PCBD2: variants seen among roughly 807,000 people sequenced by gnomAD.
PCBD2 encodes pterin-4 alpha-carbinolamine dehydratase 2.
In PCBD2, 12 loss-of-function variants were observed where a neutral mutation model predicts 16.4. The observed-to-expected ratio is 0.73, with a 90% confidence interval of 0.47 to 1.19. PCBD2 has a LOEUF of 1.19. Among genes scored for constraint, PCBD2 ranks in the 50% most tolerant of loss-of-function variants. PCBD2 has a pLI of 0.00. For missense variants in PCBD2, 138 were observed against 156.8 expected, an observed-to-expected ratio of 0.88 and a Z score of 0.64; for synonymous variants, 58 against 61.8, an observed-to-expected ratio of 0.94 and a Z score of 0.29.
intron 2 of PCBD2, among the ~76,000 whole-genome samples, chr5:134,932,900 C>T (rs737587): frequency 0.55 from 82,964 of 151,908 alleles, 22,929 homozygotes; most frequent in East Asian, 0.78. Context: ...ATTTATAGGT[C>T]ACTCATACTC....
At position 134,917,717 on chromosome 5, in the gene PCBD2, C is replaced by T. The variant is rs76964286; in HGVS notation, c.216+7251C>T. Among the ~76,000 whole-genome samples, 370 of 152,210 alleles carry T rather than the reference C, an allele frequency of 2.4e-3. 1 individual carries two copies. Among genetic ancestry groups the T allele is most frequent in the African/African-American group, 8.1e-3 (338 of 41,514 alleles). ...CCACTGAAGCTTTCTGGAGCTGCAG[C>T]GGGAGGGAGGAGGAGTTCTCTGGGT... is the stretch of plus-strand genomic sequence containing the variant. On this transcript the variant is annotated intron_variant, in intron 2 of 3. Coordinates refer to ENST00000254908, the MANE Select transcript of PCBD2 (RefSeq NM_032151.5).
chr5:134,908,403 G>A (rs1173078300), intron 1 of PCBD2, among the ~76,000 whole-genome samples: 2 of 151,920 alleles, frequency 1.3e-5, no homozygotes, highest in Admixed American at 6.5e-5. Flanking sequence ...AGTGGCTCAC[G>A]CCTGTAATCC....
chr5:134,930,623 G>C (rs1214244072), intron 2 of PCBD2, among the ~76,000 whole-genome samples: 1 of 152,146 alleles, frequency 6.6e-6, no homozygotes, highest in Non-Finnish European at 1.5e-5. Context: ...GGCTGCTCAT[G>C]GTGTCTCTAG....
intron 2 of PCBD2, chr5:134,926,146 A>G (rs1750992413): frequency 3.1e-6 from 1 of 323,156 alleles, no homozygotes; most frequent in South Asian, 1.6e-4. Flanking sequence ...TATATATCAT[A>G]GTGAGAATTC....
chr5:134,931,232 GTGGTGTGCTA>G (rs1190579775), intron 2 of PCBD2, among the ~76,000 whole-genome samples: 1 of 152,038 alleles, frequency 6.6e-6, no homozygotes, highest in Non-Finnish European at 1.5e-5. Context: ...TCATAACTTG[GTGGTGTGCTA>G]TAAAGAAAAG....
At chr5:134,930,804 G>A (rs966221550) in intron 2 of PCBD2, among the ~76,000 whole-genome samples, 13 of 152,320 alleles carry the variant, frequency 8.5e-5, no homozygotes, top group Admixed American at 2.0e-4. Context: ...AGGCCTGTTC[G>A]CTGGCTATCC....
chr5:134,925,874 A>G, intron 2 of PCBD2: 3 of 393,628 alleles, frequency 7.6e-6, no homozygotes, highest in Non-Finnish European at 1.3e-5. Flanking sequence ...TGTGGGTCTC[A>G]TGAGTTGGAG....
At chr5:134,921,171 G>C (rs1272577935) in intron 2 of PCBD2, among the ~76,000 whole-genome samples, 1 of 152,238 alleles carries the variant, frequency 6.6e-6, no homozygotes, top group Non-Finnish European at 1.5e-5. Flanking sequence ...CTGGATCCAA[G>C]AGGTGGAAGG....
intron 1 of PCBD2, among the ~76,000 whole-genome samples, chr5:134,907,390 C>T (rs182665869): frequency 5.9e-5 from 9 of 152,226 alleles, no homozygotes; most frequent in Admixed American, 5.2e-4. Flanking sequence ...ACTATAGGCG[C>T]GTGCCACCAC....
At chr5:134,906,130 T>C (rs942767316) in intron 1 of PCBD2, among the ~76,000 whole-genome samples, 16 of 149,290 alleles carry the variant, frequency 1.1e-4, no homozygotes, top group African/African-American at 4.0e-4. Context: ...TGCCTCGGCC[T>C]CCCAAAGTGC....
chr5:134,914,028 TAGG>T (rs1379801880), intron 2 of PCBD2, among the ~76,000 whole-genome samples: 1 of 151,986 alleles, frequency 6.6e-6, no homozygotes, highest in Non-Finnish European at 1.5e-5. Flanking sequence ...GTTATTGGGT[TAGG>T]AGGTGGGTGT....
In PCBD2 at chr5:134,962,072, TTGTGTGTGTGTGTG is replaced by T. The variant is rs58911694; in HGVS notation, c.*1413_*1426del. 1.4e-5 allele frequency among the ~76,000 whole-genome samples: 2 copies of T among 140,590 alleles called. No individual in the cohort carries two copies. The highest frequency in any genetic ancestry group is 2.4e-4 in the South Asian group (1 of 4,246). 92.2% of individuals were successfully genotyped at this position (140,590 alleles called of 152,430 possible). On this transcript the variant is annotated 3_prime_UTR_variant, in exon 4 of 4. Transcript: ENST00000254908. ...CATTGCCCCCAGCCAGTATAACAGT[TTGTGTGTGTGTGTG>T]TGTGTGTGTGTGTGTGTGTGTTTGA... is the stretch of plus-strand genomic sequence containing the variant.
chr5:134,948,155 T>C (rs962752156), intron 2 of PCBD2, among the ~76,000 whole-genome samples: 2 of 152,198 alleles, frequency 1.3e-5, no homozygotes, highest in African/African-American at 2.4e-5. Context: ...AATGTGCTAA[T>C]TCAAAACTGA....
At chr5:134,950,681 A>G (rs1751348828) in intron 2 of PCBD2, among the ~76,000 whole-genome samples, 2 of 152,220 alleles carry the variant, frequency 1.3e-5, no homozygotes, top group South Asian at 2.1e-4. Flanking sequence ...GGCCCAATTT[A>G]CTGTGATTGT....
intron 2 of PCBD2, among the ~76,000 whole-genome samples, chr5:134,947,325 T>G (rs1751307138): frequency 6.6e-6 from 1 of 151,712 alleles, no homozygotes; most frequent in African/African-American, 2.4e-5. Flanking sequence ...ACCCCTGACC[T>G]CAGGTAATCT....
At position 134,925,410 on chromosome 5, in the gene PCBD2, G is replaced by A. The variant is rs5013047; in HGVS notation, c.216+14944G>A. The A allele has an allele frequency of 1.5e-4, 59 of 398,220 alleles. 10 individuals carry two copies. The highest frequency in any genetic ancestry group is 6.6e-4 in the African/African-American group (32 of 48,532). The allele number at this position is 398,220 out of a possible 1,614,324, so 24.7% of individuals were successfully genotyped here. On this transcript the variant is annotated intron_variant, in intron 2 of 3. Transcript: ENST00000254908. The stretch of plus-strand genomic sequence containing the variant: ...TTTTTCGAATATCTTGTTCATTGTT[G>A]AGGTTGTGGATGATGGATCCGGAGC...
At chr5:134,950,008 A>T (rs1751340900) in intron 2 of PCBD2, among the ~76,000 whole-genome samples, 1 of 152,252 alleles carries the variant, frequency 6.6e-6, no homozygotes, top group South Asian at 2.1e-4. Flanking sequence ...CAATTAGAGT[A>T]AATTGCTGAT....
At chr5:134,916,178 T>C (rs7706190) in intron 2 of PCBD2, among the ~76,000 whole-genome samples, 18,543 of 152,020 alleles carry the variant, frequency 0.12, 1,337 homozygotes, top group East Asian at 0.28. Context: ...CTCAGTTACA[T>C]GGGAGGGAGG....
chr5:134,923,287 A>C (rs1051682616), intron 2 of PCBD2: 1 of 155,218 alleles, frequency 6.4e-6, no homozygotes, highest in Non-Finnish European at 1.4e-5. Flanking sequence ...TTTGAGGAGC[A>C]TGGTTAGGGA....
Sources: allele counts gnomAD v4.1 joint callset (sites outside exome capture counted in the v4.1 genomes callset), GRCh38; gene constraint gnomAD v4.1.1; transcripts MANE v1.5; gene names NCBI Gene and HGNC (gene_info 2026-07-23, HGNC 2026-07-21).